SGSM1: variants seen among roughly 807,000 people sequenced by gnomAD.
The protein encoded by SGSM1 is RUN and TBC1 domain containing 2.
Under a neutral mutation model 133.8 loss-of-function variants are expected in SGSM1, and 73 were observed. The observed-to-expected ratio is 0.55, with a 90% CI of 0.45 to 0.66. The LOEUF (loss-of-function observed/expected upper bound fraction) is 0.66, where lower values mean the gene tolerates loss of function less well. Among genes scored for constraint, SGSM1 ranks in the 30% least tolerant of loss-of-function variants. The pLI, the probability that SGSM1 is intolerant of heterozygous loss-of-function variation, is 0.00. For synonymous variants in SGSM1, 563 were observed against 573.0 expected (o/e 0.98, Z 0.25); for missense variants, 1,213 against 1,448.1 (o/e 0.84, Z 2.64).
At chr22:24,837,521 C>T (rs1411807552) in intron 2 of SGSM1, among the ~76,000 whole-genome samples, 4 of 151,504 alleles carry the variant, frequency 2.6e-5, no homozygotes, top group Admixed American at 6.6e-5. Flanking sequence ...TGATGTCAGG[C>T]CCTCCACAAG....
At chr22:24,848,333 A>G (rs1930270741) in intron 4 of SGSM1, among the ~76,000 whole-genome samples, 1 of 152,120 alleles carries the variant, frequency 6.6e-6, no homozygotes. Context: ...GTTTGATAGA[A>G]CCAATATGGC....
At chr22:24,857,580 C>T (rs968505120) in intron 8 of SGSM1, among the ~76,000 whole-genome samples, 1 of 152,088 alleles carries the variant, frequency 6.6e-6, no homozygotes, top group Non-Finnish European at 1.5e-5. Flanking sequence ...ATAAGTAACA[C>T]ACAGGGAAAA....
intron 24 of SGSM1, among the ~76,000 whole-genome samples, chr22:24,921,621 G>A (rs1364181123): frequency 6.6e-6 from 1 of 151,908 alleles, no homozygotes; most frequent in Non-Finnish European, 1.5e-5. Context: ...GTTTCATTTA[G>A]TAAGTAGTTA....
At chr22:24,859,259 TA>T (rs1220135575) in intron 8 of SGSM1, among the ~76,000 whole-genome samples, 3 of 151,666 alleles carry the variant, frequency 2.0e-5, no homozygotes, top group Non-Finnish European at 4.4e-5. Flanking sequence ...GCGGGGAGTG[TA>T]GGGGGGGTTT....
rs114432790 is a variant in SGSM1 at position 24,855,848 on chromosome 22, C to T, written c.801+168C>T. On this transcript the variant is annotated intron_variant, in intron 8 of 24. Transcript: ENST00000400358. ...ATTCATCCATCCATCTATATTTACACGCACCCATCCTTACATCCATCCATC... is the reference window on the plus strand; with the variant it reads ...ATTCATCCATCCATCTATATTTACATGCACCCATCCTTACATCCATCCATC... The T allele has an allele frequency of 2.6e-3, 2,556 of 983,536 alleles. 33 individuals carry two copies. The African/African-American group carries it at 0.035, about 13-fold the overall frequency. 60.9% of individuals were successfully genotyped at this position (983,536 alleles called of 1,614,324 possible).
At chr22:24,899,146 AT>A (rs1367097177) in intron 19 of SGSM1, among the ~76,000 whole-genome samples, 1 of 151,492 alleles carries the variant, frequency 6.6e-6, no homozygotes, top group East Asian at 1.9e-4. Context: ...AACTGTCCTA[AT>A]TTTTGTCTTT....
intron 22 of SGSM1, among the ~76,000 whole-genome samples, chr22:24,915,293 T>C (rs187807513): frequency 3.3e-5 from 5 of 152,212 alleles, no homozygotes; most frequent in African/African-American, 1.2e-4. Context: ...TGTGCATCCC[T>C]GCTGCATGCA....
chr22:24,823,751 T>G (rs1034151282), intron 2 of SGSM1, among the ~76,000 whole-genome samples: 1 of 149,016 alleles, frequency 6.7e-6, no homozygotes, highest in Non-Finnish European at 1.5e-5. Flanking sequence ...TGGGCAACAT[T>G]AAAAAAAAAT....
At chr22:24,904,004 A>AAAAG (rs1362095617) in intron 20 of SGSM1, among the ~76,000 whole-genome samples, 1 of 96,676 alleles carries the variant, frequency 1.0e-5, no homozygotes, top group Non-Finnish European at 2.3e-5. Flanking sequence ...AAAAGGAAAA[A>AAAAG]GAAAAAGAAA....
chr22:24,847,578 C>T (rs1930217773), intron 3 of SGSM1, 56 bp from the exon 4 acceptor site: 1 of 1,573,992 alleles, frequency 6.4e-7, no homozygotes, highest in African/African-American at 1.3e-5. Flanking sequence ...CTGGGACATG[C>T]TGGGTGCTGG....
Position 24,868,845 on chromosome 22 carries a change from G to A in SGSM1, c.1281G>A (p.Gln427=). 3.7e-6 allele frequency: 6 copies of A among 1,613,834 alleles called. No homozygotes were observed. Among genetic ancestry groups the A allele is most frequent in the Non-Finnish European group, 5.1e-6 (6 of 1,179,860 alleles). ...TCAGGATCATCTACCCTGGCATGCA[G>A]TCGGAATTCGGTGAGCTGCCCTGTC... ...YVFRIIYPGM[Q]SEFVPQDLMD... Residue 427 remains glutamine (Q), a synonymous_variant, in exon 12 of 25, where the codon CAG becomes CAA. Coordinates refer to ENST00000400358, the MANE Select transcript of SGSM1 (RefSeq NM_001098497.3).
At chr22:24,890,236 A>G (rs140154617) in intron 16 of SGSM1, among the ~76,000 whole-genome samples, 6,092 of 151,964 alleles carry the variant, frequency 0.04, 143 homozygotes, top group African/African-American at 0.062. Flanking sequence ...GATTACAGGC[A>G]TGAGCCACCA....
In SGSM1 at chr22:24,806,504, C is replaced by A; in HGVS notation, c.63+20C>A. ...AAGGAGGTGGGTGCCGGGGTGGGGG[C>A]ACTGGGCAGGACTCCCCCGGCAGCA... On this transcript the variant is annotated intron_variant, in intron 2 of 24. Transcript: ENST00000400358. 6.7e-7 allele frequency: 1 copy of A among 1,503,630 alleles called. No homozygotes were observed. Among genetic ancestry groups the A allele is most frequent in the Non-Finnish European group, 8.9e-7 (1 of 1,126,882 alleles). 93.1% of individuals were successfully genotyped at this position (1,503,630 alleles called of 1,614,324 possible). A position where few individuals can be genotyped will look rare whatever the true frequency, so the allele number is the denominator to read the frequency against.
chr22:24,868,567 C>G lies in SGSM1; in HGVS notation c.1158+28C>G, dbSNP rs763679838. ...GAGTGATCATCGGGACCCAGGGAGGCTGGGGTGGAGGCTGGTCACAGAGGG... is the reference window on the plus strand; with the variant it reads ...GAGTGATCATCGGGACCCAGGGAGGGTGGGGTGGAGGCTGGTCACAGAGGG... On this transcript the variant is annotated intron_variant, in intron 11 of 24. Transcript: ENST00000400358. The G allele has an allele frequency of 1.1e-5, 18 of 1,613,168 alleles. No individual in the cohort carries two copies. In the South Asian group the frequency reaches 2.0e-4, roughly 18 times the overall value.
At chr22:24,806,799 C>T (rs1024202453) in intron 2 of SGSM1, among the ~76,000 whole-genome samples, 4 of 151,728 alleles carry the variant, frequency 2.6e-5, no homozygotes, top group Non-Finnish European at 4.4e-5. Flanking sequence ...AGCAGGTGGG[C>T]GCGGCTCAGG....
Position 24,919,998 on chromosome 22 carries a change from C to T in SGSM1, c.3193+5C>T. The T allele has an allele frequency of 6.3e-7, 1 of 1,589,690 alleles. No individual in the cohort carries two copies. The highest frequency in any genetic ancestry group is 8.6e-7 in the Non-Finnish European group (1 of 1,167,894). Reference sequence around the variant, plus strand: ...ACATCATCAAATTCTTTAATGGTACCCACATGACTGGGGCCTCATGAGAGG... The same window carrying T: ...ACATCATCAAATTCTTTAATGGTACTCACATGACTGGGGCCTCATGAGAGG... On this transcript the variant is annotated splice_donor_5th_base_variant and intron_variant, in intron 24 of 24. Transcript: ENST00000400358.
At chr22:24,867,989 G>T (rs923780106) in intron 10 of SGSM1, among the ~76,000 whole-genome samples, 1 of 152,148 alleles carries the variant, frequency 6.6e-6, no homozygotes, top group Non-Finnish European at 1.5e-5. Context: ...CTCAATACAC[G>T]CTAGCCAGAG....
Position 24,919,968 on chromosome 22 carries a change from C to T in SGSM1, c.3168C>T (p.Phe1056=). 1 of 1,610,210 alleles carries T rather than the reference C, an allele frequency of 6.2e-7. No homozygotes were observed. Among genetic ancestry groups the T allele is most frequent in the Non-Finnish European group, 8.5e-7 (1 of 1,178,144 alleles). The change falls in exon 24 of 25, where the codon TTC becomes TTT. Residue 1056 remains phenylalanine (F), a synonymous_variant. Coordinates refer to ENST00000400358, the MANE Select transcript of SGSM1 (RefSeq NM_001098497.3). ...RDIILENNMD[F]TDIIKFFNEM... ...TCATTTTGGAGAACAACATGGATTT[C>T]ACAGACATCATCAAATTCTTTAATG...
At chr22:24,907,113 A>G (rs1933412556) in intron 21 of SGSM1, among the ~76,000 whole-genome samples, 1 of 150,986 alleles carries the variant, frequency 6.6e-6, no homozygotes, top group Non-Finnish European at 1.5e-5. Context: ...TACAAAAATT[A>G]GCCCAGCATC....
Sources: allele counts gnomAD v4.1 joint callset (sites outside exome capture counted in the v4.1 genomes callset), GRCh38; gene constraint gnomAD v4.1.1; transcripts MANE v1.5; gene names NCBI Gene and HGNC (gene_info 2026-07-23, HGNC 2026-07-21).